LEMD2: variants seen among roughly 807,000 people sequenced by gnomAD.
LEMD2 encodes the protein LEM domain-containing protein 2.
In LEMD2, 34 loss-of-function variants were observed where a neutral mutation model predicts 58.8. The ratio of observed to expected loss-of-function variants is 0.58; its 90% CI spans 0.44 to 0.77. LEMD2 has a LOEUF of 0.77. Among genes scored for constraint, LEMD2 ranks in the 30% least tolerant of loss-of-function variants. LEMD2 has a pLI of 0.00. For synonymous variants in LEMD2, 298 were observed against 308.9 expected (o/e 0.96, Z 0.37); for missense variants, 629 against 717.9 (o/e 0.88, Z 1.42).
chr6:33,788,268 C>T (rs1767728946), intron 1 of LEMD2, 113 bp downstream of exon 1: 1 of 1,123,078 alleles, frequency 8.9e-7, no homozygotes, highest in Admixed American at 2.8e-5. Flanking sequence ...AGAAGACAGT[C>T]AGAGGCAGCT....
chr6:33,777,294 C>T lies in LEMD2; in HGVS notation c.1157-55G>A, dbSNP rs2296748. On this transcript the variant is annotated intron_variant, in intron 6 of 8. Coordinates refer to ENST00000293760, the MANE Select transcript of LEMD2 (RefSeq NM_181336.4). ...TCACACTTCATTTGGCAGTGGGTCT[C>T]ACCATGGACAAGATGCTGTGATGGA... The T allele has an allele frequency of 0.4, 473,921 of 1,190,158 alleles. 99,652 individuals are homozygous for T. The highest frequency in any genetic ancestry group is 0.74 in the East Asian group (31,813 of 43,002). 73.7% of individuals were successfully genotyped at this position (1,190,158 alleles called of 1,614,324 possible).
intron 3 of LEMD2, chr6:33,781,461 G>A: frequency 3.0e-6 from 1 of 328,358 alleles, no homozygotes; most frequent in South Asian, 5.7e-5. Flanking sequence ...AGCTTCGGAA[G>A]GTACCGGAAT....
At chr6:33,773,939 A>G (rs4711350) in intron 8 of LEMD2, among the ~76,000 whole-genome samples, 121,374 of 152,102 alleles carry the variant, frequency 0.8, 48,836 homozygotes, top group East Asian at 0.98. Flanking sequence ...GAGCAAACAG[A>G]GCATGGGCGT....
chr6:33,777,465 G>A (rs574801849), intron 6 of LEMD2, among the ~76,000 whole-genome samples: 79 of 152,342 alleles, frequency 5.2e-4, no homozygotes, highest in South Asian at 1.4e-3. Flanking sequence ...TCACCACAGC[G>A]GCATCCCCAG....
rs1048084165 is a variant in LEMD2 at position 33,778,530 on chromosome 6, G to A, written c.1011-143C>T. The A allele has an allele frequency of 1.8e-6, 1 of 560,704 alleles. No homozygotes were observed. The allele number at this position is 560,704 out of a possible 1,614,324, so 34.7% of individuals were successfully genotyped here. ...ATAGAATAGGCTTGGTATCCTGGCT[G>A]CATTCTTTCCAGAAATTTCCCACAT... On this transcript the variant is annotated intron_variant, in intron 5 of 8. Transcript: ENST00000293760. This position sits in a 1 kb window ranked among gnomAD's most constrained non-coding sequence, Gnocchi z 4.7.
intron 4 of LEMD2, 175 bp from the exon 5 acceptor site, chr6:33,780,354 G>C: frequency 1.5e-6 from 1 of 656,384 alleles, no homozygotes; most frequent in Non-Finnish European, 2.8e-6. Flanking sequence ...GAAAGCCAAG[G>C]AAGAGGCTAT....
intron 4 of LEMD2, 176 bp from the exon 5 acceptor site, chr6:33,780,355 A>G: frequency 1.5e-6 from 1 of 652,800 alleles, no homozygotes; most frequent in South Asian, 1.7e-5. Context: ...AAAGCCAAGG[A>G]AGAGGCTATA....
At chr6:33,772,939 C>T (rs1008916534) in intron 8 of LEMD2, among the ~76,000 whole-genome samples, 161 bp from the exon 9 acceptor site, 1 of 152,218 alleles carries the variant, frequency 6.6e-6, no homozygotes. Context: ...AGGAGAAAAA[C>T]GTCTTGGGCC....
At position 33,781,086 on chromosome 6, in the gene LEMD2, T is replaced by C; in HGVS notation, c.921A>G (p.Glu307=). 1 of 1,611,474 alleles carries C rather than the reference T, an allele frequency of 6.2e-7. No individual in the cohort carries two copies. The highest frequency in any genetic ancestry group is 8.5e-7 in the Non-Finnish European group (1 of 1,177,664). The part of the protein sequence containing the change: ...SKCIPVMEAQ[E]YIANVTSSSS... The stretch of plus-strand genomic sequence containing the variant: ...ACTGAAGCCTACTTACGGCTATATA[T>C]TCTTGGGCTTCCATAACAGGAATGC... Residue 307 remains glutamate (E), a synonymous_variant, in exon 4 of 9, where the codon GAA becomes GAG. Transcript: ENST00000293760.
chr6:33,772,821 G>C (rs755153489), intron 8 of LEMD2, 43 bp from the exon 9 acceptor site: 1 of 1,573,146 alleles, frequency 6.4e-7, no homozygotes, highest in Non-Finnish European at 8.7e-7. Flanking sequence ...CTGCCGAGGT[G>C]AGCCAGCCTG....
intron 8 of LEMD2, among the ~76,000 whole-genome samples, chr6:33,774,999 A>T (rs542007078): frequency 3.9e-3 from 563 of 145,314 alleles, no homozygotes; most frequent in African/African-American, 0.012. Flanking sequence ...AATGAATGAT[A>T]GTCTCTTCGT....
At position 33,788,398 on chromosome 6, in the gene LEMD2, T is replaced by A; in HGVS notation, c.719A>T (p.Gln240Leu). 1 of 1,581,318 alleles carries A rather than the reference T, an allele frequency of 6.3e-7. No homozygotes were observed. The highest frequency in any genetic ancestry group is 8.6e-7 in the Non-Finnish European group (1 of 1,165,020). ...WVKMGKPSAPQEAEDNMKLLP... is the reference protein window; with the variant it reads ...WVKMGKPSAPLEAEDNMKLLP... ...GGACGTACTGTTGTCCTCCGCCTCC[T>A]GCGGCGCTGAGGGCTTGCCCATCTT... The change falls in exon 1 of 9, where the codon CAG becomes CTG. Residue 240 changes from glutamine (Q) to leucine (L), a missense_variant. Coordinates refer to ENST00000293760, the MANE Select transcript of LEMD2 (RefSeq NM_181336.4).
intron 8 of LEMD2, among the ~76,000 whole-genome samples, chr6:33,774,660 C>A (rs1231987431): frequency 6.6e-6 from 1 of 152,136 alleles, no homozygotes; most frequent in Non-Finnish European, 1.5e-5. Flanking sequence ...GAACTCCTGA[C>A]CTGAGGTGGC....
At chr6:33,786,565 C>T (rs989826304) in intron 2 of LEMD2, among the ~76,000 whole-genome samples, 169 bp downstream of exon 2, 2 of 152,214 alleles carry the variant, frequency 1.3e-5, no homozygotes, top group Admixed American at 6.5e-5. Context: ...TATTCCTTCA[C>T]TGCCACAATT....
At position 33,778,302 on chromosome 6, in the gene LEMD2, C is replaced by A. The variant is rs748199195; in HGVS notation, c.1096G>T (p.Gly366Cys). Reference sequence around the variant, plus strand: ...AGCAAGGCCCGGCTCAGGCGGCAGCCAACACCCATGCGGGGGTGGGCAGAT... The same window carrying A: ...AGCAAGGCCCGGCTCAGGCGGCAGCAAACACCCATGCGGGGGTGGGCAGAT... ...LESAHPRMGV[G>C]CRLSRALLTA... The change falls in exon 6 of 9, where the codon GGC becomes TGC. Residue 366 changes from glycine (G) to cysteine (C), a missense_variant. Coordinates refer to ENST00000293760, the MANE Select transcript of LEMD2 (RefSeq NM_181336.4). This position sits in a 1 kb window ranked among gnomAD's most constrained non-coding sequence, Gnocchi z 4.7. The A allele has an allele frequency of 1.2e-6, 2 of 1,609,760 alleles. No homozygotes were observed. The highest frequency in any genetic ancestry group is 1.1e-5 in the South Asian group (1 of 90,612).
At chr6:33,787,015 A>C in intron 1 of LEMD2, 2 of 850,326 alleles carry the variant, frequency 2.4e-6, no homozygotes, top group Non-Finnish European at 3.4e-6. Context: ...GATTAGCTCA[A>C]GTTTCTTGGG....
chr6:33,785,349 T>C (rs996228723), intron 2 of LEMD2, among the ~76,000 whole-genome samples: 1 of 152,132 alleles, frequency 6.6e-6, no homozygotes, highest in African/African-American at 2.4e-5. Context: ...TGCTTTCTGA[T>C]GCTCTGATGA....
At chr6:33,786,242 T>C (rs1297715380) in intron 2 of LEMD2, among the ~76,000 whole-genome samples, 1 of 100,880 alleles carries the variant, frequency 9.9e-6, no homozygotes, top group Non-Finnish European at 2.3e-5. Flanking sequence ...AATCTAAATG[T>C]AGACTAAGAG....
chr6:33,788,318 G>A (rs377645639), intron 1 of LEMD2, 63 bp downstream of exon 1: 93 of 1,464,586 alleles, frequency 6.3e-5, no homozygotes, highest in Admixed American at 3.0e-4. Flanking sequence ...CGACAGGAAC[G>A]GGGGGTCCTC....
Sources: gnomAD v4.1 joint callset for allele counts (sites outside exome capture counted in the v4.1 genomes callset) on GRCh38, gnomAD v4.1.1 for gene constraint, Gnocchi (gnomAD v3.1) non-coding constraint, MANE v1.5 for transcripts, NCBI Gene and HGNC (gene_info 2026-07-23, HGNC 2026-07-21) for gene names.